The following DAB1 variants were observed in gnomAD, a reference collection of about 807,000 sequenced individuals.
DAB1 encodes disabled homolog 1.
A neutral mutation model predicts 64.6 loss-of-function variants in DAB1; 15 were observed. The ratio of observed to expected loss-of-function variants is 0.23; its 90% CI spans 0.16 to 0.36. DAB1 has a LOEUF of 0.36. DAB1 is among the 10% of genes least tolerant of loss of function. DAB1 has a pLI of 1.00. For synonymous variants in DAB1, 235 were observed against 251.9 expected (o/e 0.93, Z 0.64); for missense variants, 596 against 706.7 (o/e 0.84, Z 1.78).
At chr1:57,386,410 A>T (rs1681857310) in intron 1 of DAB1, among the ~76,000 whole-genome samples, 1 of 151,280 alleles carries the variant, frequency 6.6e-6, no homozygotes, top group Non-Finnish European at 1.5e-5. Flanking sequence ...ATCTCCATAA[A>T]CACGGGACAG....
intron 1 of DAB1, among the ~76,000 whole-genome samples, chr1:57,391,812 C>CAGAGAG (rs796284038): frequency 7.1e-6 from 1 of 141,686 alleles, no homozygotes; most frequent in African/African-American, 2.7e-5. Flanking sequence ...CACACACACA[C>CAGAGAG]AGAGAGAGGA....
intron 2 of DAB1, among the ~76,000 whole-genome samples, chr1:57,285,085 T>C (rs1162742042): frequency 1.3e-5 from 2 of 152,184 alleles, no homozygotes; most frequent in Admixed American, 6.5e-5. Flanking sequence ...ATAGCACTAA[T>C]ATGAAATATA....
intron 4 of DAB1, among the ~76,000 whole-genome samples, chr1:58,255,596 G>A (rs1465851153): frequency 1.3e-5 from 2 of 152,136 alleles, no homozygotes; most frequent in Non-Finnish European, 2.9e-5. Flanking sequence ...AAAATAAAAT[G>A]TTCAGCTTGT....
intron 3 of DAB1, among the ~76,000 whole-genome samples, chr1:58,501,488 G>A (rs1271069051): frequency 6.6e-6 from 1 of 152,088 alleles, no homozygotes; most frequent in Non-Finnish European, 1.5e-5. Flanking sequence ...GTCCTTACAG[G>A]GGCGATAAGG....
chr1:57,606,627 AATATATTATATATGAAAT>A (rs1391828356), intron 7 of DAB1, among the ~76,000 whole-genome samples: 2 of 52,014 alleles, frequency 3.8e-5, no homozygotes, highest in African/African-American at 1.6e-4. Context: ...TAATATATGA[AATATATTATATATGAAAT>A]ATATATTATG....
At chr1:57,655,874 T>TA (rs1392415119) in intron 6 of DAB1, among the ~76,000 whole-genome samples, 1 of 152,176 alleles carries the variant, frequency 6.6e-6, no homozygotes, top group African/African-American at 2.4e-5. Context: ...CCTAATGAGG[T>TA]AAAAAATTTA....
chr1:57,828,098 A>G (rs543177611), intron 1 of DAB1, among the ~76,000 whole-genome samples: 1 of 151,798 alleles, frequency 6.6e-6, no homozygotes, highest in Admixed American at 6.6e-5. Flanking sequence ...GGCGCCCACC[A>G]CCATGCCTGG....
intron 1 of DAB1, among the ~76,000 whole-genome samples, chr1:57,316,263 G>A (rs1317771878): frequency 6.6e-6 from 1 of 152,156 alleles, no homozygotes; most frequent in African/African-American, 2.4e-5. Context: ...AAAACAAGAA[G>A]CACTTCCTAA....
chr1:57,914,199 T>C (rs1228479592), intron 5 of DAB1, among the ~76,000 whole-genome samples: 1 of 152,158 alleles, frequency 6.6e-6, no homozygotes, highest in Non-Finnish European at 1.5e-5. Flanking sequence ...CCAACCCAAA[T>C]GTCCAACAAT....
At chr1:58,014,188 A>T (rs1646707900) in intron 5 of DAB1, among the ~76,000 whole-genome samples, 1 of 152,176 alleles carries the variant, frequency 6.6e-6, no homozygotes, top group Non-Finnish European at 1.5e-5. Context: ...AAGGTTTTGA[A>T]CACAGCTCTG....
At position 57,022,828 on chromosome 1, in the gene DAB1, G is replaced by C. The variant is rs188889757; in HGVS notation, c.895+703C>G. Among the ~76,000 whole-genome samples, 103 of 152,342 alleles carry C rather than the reference G, an allele frequency of 6.8e-4. 1 individual carries two copies. The highest frequency in any genetic ancestry group is 2.4e-3 in the African/African-American group (98 of 41,594). On this transcript the variant is annotated intron_variant, in intron 11 of 14. Transcript: ENST00000371236. ...CAAAAACAGAACTAAACTACCTTTG[G>C]CTATTTGCAAGTACAGTGGCCTGGC...
chr1:57,840,658 T>C (rs957172227), intron 1 of DAB1, among the ~76,000 whole-genome samples: 1 of 152,086 alleles, frequency 6.6e-6, no homozygotes, highest in African/African-American at 2.4e-5. Flanking sequence ...CTTCTTAACA[T>C]GGCAGCAGGA....
At chr1:58,118,460 A>G (rs1219702171) in intron 5 of DAB1, among the ~76,000 whole-genome samples, 1 of 69,486 alleles carries the variant, frequency 1.4e-5, no homozygotes, top group African/African-American at 6.0e-5. Flanking sequence ...GCCAGGCACT[A>G]TCCTAAGGCA....
At chr1:57,435,673 C>T (rs1685668164) in intron 7 of DAB1, among the ~76,000 whole-genome samples, 1 of 152,104 alleles carries the variant, frequency 6.6e-6, no homozygotes, top group Non-Finnish European at 1.5e-5. Context: ...GGAAGGTCTT[C>T]AGGGGCAGTA....
chr1:57,673,133 G>A (rs1243242455), intron 6 of DAB1, among the ~76,000 whole-genome samples: 1 of 152,092 alleles, frequency 6.6e-6, no homozygotes, highest in East Asian at 1.9e-4. Flanking sequence ...TGTCTGGTGA[G>A]GGTCCACTTC....
At chr1:57,613,171 G>T (rs1382353689) in intron 7 of DAB1, among the ~76,000 whole-genome samples, 1 of 152,336 alleles carries the variant, frequency 6.6e-6, no homozygotes, top group East Asian at 1.9e-4. Context: ...TGTGAATATA[G>T]CAGCTAGTAT....
intron 6 of DAB1, among the ~76,000 whole-genome samples, chr1:57,685,142 C>G (rs1646680622): frequency 6.6e-6 from 1 of 151,448 alleles, no homozygotes; most frequent in African/African-American, 2.4e-5. Flanking sequence ...TTAGTAGAGA[C>G]GGGGTTTCAC....
chr1:57,198,627 C>T (rs1009428868), intron 2 of DAB1, among the ~76,000 whole-genome samples: 1 of 145,472 alleles, frequency 6.9e-6, no homozygotes, highest in Non-Finnish European at 1.5e-5. Flanking sequence ...CTTCCTCCCT[C>T]CCTCCCTGCA....
chr1:57,410,977 A>G lies in DAB1; in HGVS notation c.-137+12953T>C, dbSNP rs116709300. 8.8e-3 allele frequency among the ~76,000 whole-genome samples: 1,336 copies of G among 152,286 alleles called. 12 individuals are homozygous for G. Among genetic ancestry groups the G allele is most frequent in the African/African-American group, 0.03 (1,262 of 41,550 alleles). On this transcript the variant is annotated intron_variant, in intron 1 of 14. Coordinates refer to ENST00000371236, the MANE Select transcript of DAB1 (RefSeq NM_001365792.1). ...ATCACCAGTACTGATGTCATAAGGG[A>G]TGACTGTTGGAGGGAAATGAATATC...
Sources: allele counts gnomAD v4.1 joint callset (sites outside exome capture counted in the v4.1 genomes callset), GRCh38; gene constraint gnomAD v4.1.1; transcripts MANE v1.5; gene names NCBI Gene and HGNC (gene_info 2026-07-23, HGNC 2026-07-21).